The following SFRP1 variants were observed in gnomAD, a reference collection of about 807,000 sequenced individuals.
SFRP1 encodes secreted frizzled-related protein 1.
In SFRP1, 9 loss-of-function variants were observed where a neutral mutation model predicts 25.9. That is an observed-to-expected ratio of 0.35 (90% CI 0.21 to 0.61). SFRP1 has a LOEUF of 0.61. Ranked by LOEUF, SFRP1 falls within the 20% of genes least tolerant of loss-of-function variation. SFRP1 has a pLI of 0.78. For missense variants in SFRP1, 346 were observed against 418.2 expected, an observed-to-expected ratio of 0.83 and a Z score of 1.51; for synonymous variants, 178 against 174.0, an observed-to-expected ratio of 1.02 and a Z score of -0.18.
chr8:41,277,119 A>C (rs757213769), intron 2 of SFRP1: 42 of 439,502 alleles, frequency 9.6e-5, no homozygotes, highest in Non-Finnish European at 1.8e-4. Flanking sequence ...GAAGCCACGC[A>C]TCTTGGGGAG....
chr8:41,305,962 A>G (rs143593897), intron 1 of SFRP1, among the ~76,000 whole-genome samples: 13 of 152,362 alleles, frequency 8.5e-5, no homozygotes, highest in Admixed American at 2.6e-4. Context: ...AATGCACAAC[A>G]TGCCCAAGCA....
intron 2 of SFRP1, among the ~76,000 whole-genome samples, chr8:41,295,125 G>T (rs1803826095): frequency 6.6e-6 from 1 of 152,214 alleles, no homozygotes; most frequent in South Asian, 2.1e-4. Context: ...CACTTTGGGA[G>T]GCCAAGGAGG....
chr8:41,297,788 C>A (rs1241361439), intron 2 of SFRP1, among the ~76,000 whole-genome samples: 1 of 152,106 alleles, frequency 6.6e-6, no homozygotes, highest in Non-Finnish European at 1.5e-5. Context: ...GGCTTTCCCA[C>A]CAAGAAGGGA....
rs188382080 is a variant in SFRP1 at position 41,270,772 on chromosome 8, G to A, written c.623-5283C>T. ...CGGGAGGTGGAGATTGCAGTGAGCCGAGAGCGCACACTGCACTCCAGCCTG... is the reference window on the plus strand; with the variant it reads ...CGGGAGGTGGAGATTGCAGTGAGCCAAGAGCGCACACTGCACTCCAGCCTG... On this transcript the variant is annotated intron_variant, in intron 2 of 2. Transcript: ENST00000220772. 4.5e-4 allele frequency among the ~76,000 whole-genome samples: 67 copies of A among 148,768 alleles called. No homozygotes were observed. In the East Asian group the frequency reaches 0.012, roughly 27 times the overall value.
chr8:41,306,717 A>C (rs746977922), intron 1 of SFRP1: 1 of 1,597,672 alleles, frequency 6.3e-7, no homozygotes, highest in Non-Finnish European at 8.5e-7. Context: ...TGGGAGGGTG[A>C]CTACCTGAGC....
At chr8:41,298,330 T>C (rs1316775091) in intron 2 of SFRP1, 4 of 152,260 alleles carry the variant, frequency 2.6e-5, no homozygotes, top group Non-Finnish European at 5.9e-5. Context: ...ATTTATTGTA[T>C]ATTTCAAATT....
chr8:41,277,900 T>C (rs992828407), intron 2 of SFRP1, among the ~76,000 whole-genome samples: 1 of 152,228 alleles, frequency 6.6e-6, no homozygotes, highest in Non-Finnish European at 1.5e-5. Context: ...CATGAGCCAC[T>C]GTGCCTGGCC....
At chr8:41,295,514 A>G (rs1803833357) in intron 2 of SFRP1, among the ~76,000 whole-genome samples, 1 of 142,536 alleles carries the variant, frequency 7.0e-6, no homozygotes, top group South Asian at 2.3e-4. Flanking sequence ...CAGCGACAAG[A>G]GCAAGAGGCT....
At position 41,307,193 on chromosome 8, in the gene SFRP1, C is replaced by T. The variant is rs139013857; in HGVS notation, c.544+1423G>A. Among the ~76,000 whole-genome samples the T allele has an allele frequency of 2.4e-4, 36 of 152,342 alleles. 1 individual carries two copies. In the East Asian group the frequency reaches 5.0e-3, roughly 21 times the overall value. ...TTGCTCCAGGTAACTGCTCAGTTCT[C>T]GCTCACAAAGTGCAGATGCATCCGC... is the stretch of plus-strand genomic sequence containing the variant. On this transcript the variant is annotated intron_variant, in intron 1 of 2. Transcript: ENST00000220772.
At chr8:41,275,208 A>G (rs1209451053) in intron 2 of SFRP1, 2 of 450,948 alleles carry the variant, frequency 4.4e-6, no homozygotes, top group Non-Finnish European at 8.9e-6. Context: ...CTGCTTCCCT[A>G]CCCAGAGCTT....
intron 2 of SFRP1, among the ~76,000 whole-genome samples, chr8:41,281,906 T>C (rs1206126334): frequency 1.3e-5 from 2 of 152,200 alleles, no homozygotes; most frequent in Admixed American, 6.5e-5. Flanking sequence ...CGAATGCATA[T>C]GTCGTGCCTC....
intron 2 of SFRP1, among the ~76,000 whole-genome samples, chr8:41,301,646 A>C (rs1461320148): frequency 6.6e-6 from 1 of 152,242 alleles, no homozygotes; most frequent in Non-Finnish European, 1.5e-5. Context: ...AAAGGACTCC[A>C]GTTGAGAAAG....
At chr8:41,277,909 C>A (rs1244914657) in intron 2 of SFRP1, among the ~76,000 whole-genome samples, 1 of 152,208 alleles carries the variant, frequency 6.6e-6, no homozygotes, top group Non-Finnish European at 1.5e-5. Flanking sequence ...CTGTGCCTGG[C>A]CAGAAATGTG....
At chr8:41,290,852 G>A (rs933716152) in intron 2 of SFRP1, among the ~76,000 whole-genome samples, 4 of 131,480 alleles carry the variant, frequency 3.0e-5, no homozygotes, top group Non-Finnish European at 6.4e-5. Context: ...TTTGATTAAT[G>A]AGGTCTTTGT....
At chr8:41,265,764 C>G (rs1585502170) in intron 2 of SFRP1, among the ~76,000 whole-genome samples, 1 of 152,110 alleles carries the variant, frequency 6.6e-6, no homozygotes, top group Admixed American at 6.5e-5. Flanking sequence ...TCCCTCATGT[C>G]TTTTGGAATC....
chr8:41,301,430 A>G (rs1413004064), intron 2 of SFRP1, among the ~76,000 whole-genome samples: 1 of 148,726 alleles, frequency 6.7e-6, no homozygotes, highest in African/African-American at 2.5e-5. Flanking sequence ...AGCTAAGCTC[A>G]GCCCCTACAG....
At position 41,280,973 on chromosome 8, in the gene SFRP1, C is replaced by T. The variant is rs140059549; in HGVS notation, c.623-15484G>A. 9.8e-5 allele frequency among the ~76,000 whole-genome samples: 15 copies of T among 152,356 alleles called. No individual in the cohort carries two copies. In the East Asian group the frequency reaches 2.9e-3, roughly 29 times the overall value. ...TTCTTTTAATGTTCCAAGTACTCTCCAGGGACCGTGCTTCTCTTCCTACTG... is the reference window on the plus strand; with the variant it reads ...TTCTTTTAATGTTCCAAGTACTCTCTAGGGACCGTGCTTCTCTTCCTACTG... On this transcript the variant is annotated intron_variant, in intron 2 of 2. Transcript: ENST00000220772.
intron 1 of SFRP1, 85 bp downstream of exon 1, chr8:41,308,531 G>T: frequency 9.0e-7 from 1 of 1,112,416 alleles, no homozygotes; most frequent in Non-Finnish European, 1.3e-6. Context: ...AGCGGCGGGC[G>T]GGCGTAGGGT....
At position 41,270,241 on chromosome 8, in the gene SFRP1, A is replaced by G. The variant is rs72642721; in HGVS notation, c.623-4752T>C. On this transcript the variant is annotated intron_variant, in intron 2 of 2. Coordinates refer to ENST00000220772, the MANE Select transcript of SFRP1 (RefSeq NM_003012.5). ...CAGGCACGCTAGCCACATGGATTAG[A>G]CTGAGCCCGTGCAATCATTCCCACT... 7.4e-3 allele frequency among the ~76,000 whole-genome samples: 1,123 copies of G among 152,346 alleles called. 12 individuals carry two copies. The highest frequency in any genetic ancestry group is 0.01 in the Non-Finnish European group (714 of 68,042).
Sources: gnomAD v4.1 joint callset for allele counts (sites outside exome capture counted in the v4.1 genomes callset) on GRCh38, gnomAD v4.1.1 for gene constraint, MANE v1.5 for transcripts, NCBI Gene and HGNC (gene_info 2026-07-23, HGNC 2026-07-21) for gene names.